ACSL4: variants seen among roughly 807,000 people sequenced by gnomAD.
The protein encoded by ACSL4 is long-chain-fatty-acid--CoA ligase 4.
A neutral mutation model predicts 49.1 loss-of-function variants in ACSL4; 9 were observed. The ratio of observed to expected loss-of-function variants is 0.18; its 90% CI spans 0.11 to 0.32. The LOEUF is 0.32. Ranked by LOEUF, ACSL4 falls within the 10% of genes least tolerant of loss-of-function variation. The pLI, the probability that ACSL4 is intolerant of heterozygous loss-of-function variation, is 1.00. For missense variants in ACSL4, 333 were observed against 493.7 expected (o/e 0.67, Z 3.08); for synonymous variants, 191 against 170.3 (o/e 1.12, Z -0.95).
intron 1 of ACSL4, among the ~76,000 whole-genome samples, chrX:109,732,237 T>C (rs1461958157): frequency 3.6e-5 from 4 of 112,147 alleles, no homozygotes; most frequent in Non-Finnish European, 3.8e-5. Flanking sequence ...AGAGCGACGA[T>C]TGACCTTTTT....
intron 10 of ACSL4, 69 bp from the exon 11 acceptor site, chrX:109,668,342 A>G: frequency 1.0e-6 from 1 of 959,278 alleles, no homozygotes; most frequent in Non-Finnish European, 1.4e-6. Flanking sequence ...CTAATTTATA[A>G]GCTCTGGGAA....
Position 109,677,985 on chromosome X carries a change from C to T in ACSL4, c.930+3G>A. 8.3e-7 allele frequency: 1 copy of T among 1,211,250 alleles called. No homozygotes were observed. Among genetic ancestry groups the T allele is most frequent in the South Asian group, 1.8e-5 (1 of 56,956 alleles). ...CATGCCAATATACTGAAAAGTTTGT[C>T]ACCTGGTCAGAGAGTGTAAGCGGAG... On this transcript the variant is annotated splice_donor_region_variant and intron_variant, in intron 8 of 15. Transcript: ENST00000672401.
intron 15 of ACSL4, among the ~76,000 whole-genome samples, chrX:109,645,684 C>T (rs745622928): frequency 4.5e-5 from 5 of 112,172 alleles, no homozygotes; most frequent in South Asian, 7.4e-4. Context: ...ATGACTCTGG[C>T]GAGCTGAGAG....
chrX:109,688,347 G>A (rs769638096), intron 2 of ACSL4, among the ~76,000 whole-genome samples: 1 of 111,545 alleles, frequency 9.0e-6, no homozygotes, highest in South Asian at 3.8e-4. Context: ...TAAGGACACG[G>A]AAGTGCTACT....
chrX:109,674,102 A>G lies in ACSL4; in HGVS notation c.1002+300T>C, dbSNP rs187018441. Reference sequence around the variant, plus strand: ...TTAAACAAGATGATCTTTAGAATATATTCTACCTTAAAACGGTCTGACCAA... The same window carrying G: ...TTAAACAAGATGATCTTTAGAATATGTTCTACCTTAAAACGGTCTGACCAA... On this transcript the variant is annotated intron_variant, in intron 9 of 15. Transcript: ENST00000672401. Among the ~76,000 whole-genome samples the G allele has an allele frequency of 3.5e-3, 385 of 111,231 alleles. 1 individual carries two copies. The highest frequency in any genetic ancestry group is 5.8e-3 in the Non-Finnish European group (305 of 52,993).
At chrX:109,696,616 G>A (rs1327141736) in intron 1 of ACSL4, among the ~76,000 whole-genome samples, 1 of 112,435 alleles carries the variant, frequency 8.9e-6, no homozygotes, top group Non-Finnish European at 1.9e-5. Flanking sequence ...AACCAAAAAC[G>A]AGTAAGTTCC....
chrX:109,648,280 A>G (rs992255966), intron 15 of ACSL4, among the ~76,000 whole-genome samples: 6 of 111,475 alleles, frequency 5.4e-5, no homozygotes, highest in Admixed American at 1.9e-4. Flanking sequence ...CCTCAATAAA[A>G]TACTGGCAAA....
chrX:109,685,626 G>A lies in ACSL4; in HGVS notation c.-12-2251C>T, dbSNP rs145455911. Among the ~76,000 whole-genome samples the A allele has an allele frequency of 2.2e-3, 245 of 110,727 alleles. 1 individual carries two copies. Among genetic ancestry groups the A allele is most frequent in the African/African-American group, 7.7e-3 (233 of 30,431 alleles). Reference sequence around the variant, plus strand: ...TAATATAAAATGGTAGCTTAATCCTGCCTGTGCCTTTGTTCATGTAATTTA... The same window carrying A: ...TAATATAAAATGGTAGCTTAATCCTACCTGTGCCTTTGTTCATGTAATTTA... On this transcript the variant is annotated intron_variant, in intron 2 of 15. Transcript: ENST00000672401.
intron 1 of ACSL4, among the ~76,000 whole-genome samples, chrX:109,710,668 T>G (rs960370615): frequency 8.9e-5 from 10 of 112,408 alleles, no homozygotes; most frequent in African/African-American, 3.2e-4. Context: ...TAGTCCTATT[T>G]AATAAGTTAT....
intron 1 of ACSL4, among the ~76,000 whole-genome samples, chrX:109,722,384 G>A (rs910000899): frequency 5.4e-5 from 6 of 111,873 alleles, no homozygotes; most frequent in Non-Finnish European, 1.9e-5. Flanking sequence ...CAGATACCTA[G>A]ATTTTCTTTA....
intron 15 of ACSL4, among the ~76,000 whole-genome samples, chrX:109,650,237 C>G (rs1209452802): frequency 1.8e-5 from 2 of 110,855 alleles, no homozygotes; most frequent in Non-Finnish European, 3.8e-5. Flanking sequence ...CATATGTTTA[C>G]TGCGGCATTA....
intron 15 of ACSL4, among the ~76,000 whole-genome samples, chrX:109,655,783 T>C (rs1246635245): frequency 6.3e-5 from 7 of 110,776 alleles, no homozygotes; most frequent in Non-Finnish European, 1.1e-4. Flanking sequence ...AGAGATAAAA[T>C]AGATCATACA....
chrX:109,714,751 TA>T (rs1390613318), intron 1 of ACSL4, among the ~76,000 whole-genome samples: 5 of 112,307 alleles, frequency 4.5e-5, no homozygotes, highest in Non-Finnish European at 7.5e-5. Context: ...GGCTGTACCA[TA>T]CAGTCTTGGT....
intron 11 of ACSL4, among the ~76,000 whole-genome samples, chrX:109,666,420 G>A (rs936946900): frequency 9.0e-6 from 1 of 111,662 alleles, no homozygotes; most frequent in Non-Finnish European, 1.9e-5. Context: ...GAAGAGCCAG[G>A]CATTGTGTAT....
chrX:109,684,985 T>C (rs1229810874), intron 2 of ACSL4, among the ~76,000 whole-genome samples: 1 of 110,930 alleles, frequency 9.0e-6, no homozygotes, highest in Admixed American at 9.6e-5. Context: ...GTAATTTTGA[T>C]TGGATTATGT....
intron 6 of ACSL4, among the ~76,000 whole-genome samples, chrX:109,679,759 G>A (rs1299890589): frequency 1.8e-5 from 2 of 112,219 alleles, no homozygotes; most frequent in Non-Finnish European, 3.8e-5. Context: ...AGTGGGATAT[G>A]TGGCCTATTA....
rs1290433423 is a variant in ACSL4, at chrX:109,644,027, T to G, written c.*2A>C. On this transcript the variant is annotated 3_prime_UTR_variant, in exon 16 of 16. Transcript: ENST00000672401. ...CACAACTGTCAATAAGACAACAACA[T>G]TTTATTTGCCCCCATACATTCGTTC... The G allele has an allele frequency of 8.3e-7, 1 of 1,209,439 alleles. No homozygotes were observed. Among genetic ancestry groups the G allele is most frequent in the Non-Finnish European group, 1.1e-6 (1 of 894,781 alleles).
chrX:109,702,569 C>A (rs748280357), intron 1 of ACSL4, among the ~76,000 whole-genome samples: 54 of 112,365 alleles, frequency 4.8e-4, no homozygotes, highest in Non-Finnish European at 4.3e-4. Flanking sequence ...ATGAGCATAT[C>A]CAGCACACAG....
At chrX:109,663,526 G>T in intron 12 of ACSL4, 124 bp from the exon 13 acceptor site, 1 of 610,271 alleles carries the variant, frequency 1.6e-6, no homozygotes, top group Non-Finnish European at 2.6e-6. Flanking sequence ...GAGAACATTA[G>T]TTTATATTTA....
Sources: gnomAD v4.1 joint callset for allele counts (sites outside exome capture counted in the v4.1 genomes callset) on GRCh38, gnomAD v4.1.1 for gene constraint, MANE v1.5 for transcripts, NCBI Gene and HGNC (gene_info 2026-07-23, HGNC 2026-07-21) for gene names.